The following GCLC variants were observed in gnomAD, a reference collection of about 807,000 sequenced individuals.
GCLC encodes glutamate-cysteine ligase catalytic subunit, also known as glutamate--cysteine ligase catalytic subunit.
GCLC carries 30 observed loss-of-function variants against 81.5 expected under a neutral mutation model. That is an observed-to-expected ratio of 0.37 (90% CI 0.28 to 0.50). GCLC has a LOEUF of 0.50. GCLC is among the 20% of genes least tolerant of loss of function. The pLI, the probability that GCLC is intolerant of heterozygous loss-of-function variation, is 0.96. For synonymous variants in GCLC, 262 were observed against 273.3 expected, an observed-to-expected ratio of 0.96 and a Z score of 0.41; for missense variants, 556 against 777.4, an observed-to-expected ratio of 0.72 and a Z score of 3.39.
intron 1 of GCLC, among the ~76,000 whole-genome samples, chr6:53,535,497 G>C (rs1022454169): frequency 6.6e-6 from 1 of 151,662 alleles, no homozygotes; most frequent in African/African-American, 2.4e-5. Context: ...CTGGGCCATA[G>C]AGTGAGAACT....
intron 2 of GCLC, among the ~76,000 whole-genome samples, chr6:53,521,407 G>A (rs1006932945): frequency 1.3e-5 from 2 of 151,940 alleles, no homozygotes; most frequent in Non-Finnish European, 2.9e-5. Context: ...TGCCTGCCTC[G>A]GCCTCCCAAA....
At chr6:53,508,764 TA>T (rs34497460) in intron 7 of GCLC, 53 bp from the exon 8 acceptor site, 10 of 1,175,012 alleles carry the variant, frequency 8.5e-6, no homozygotes, top group Non-Finnish European at 1.0e-5. Context: ...ACTTACATGC[TA>T]AAAAAAGCTC....
In GCLC at chr6:53,537,640, C is replaced by CATAA. The variant is rs112815644; in HGVS notation, c.150+6852_150+6855dup. On this transcript the variant is annotated intron_variant, in intron 1 of 15. Coordinates refer to ENST00000650454, the MANE Select transcript of GCLC (RefSeq NM_001498.4). ...AAATAAATAAATAAATAAATAAATA[C>CATAA]ATAAATACATAATATTAAAAAAAAG... Among the ~76,000 whole-genome samples, 32 of 148,792 alleles carry CATAA rather than the reference C, an allele frequency of 2.2e-4. No homozygotes were observed. The South Asian group carries it at 3.4e-3, about 16-fold the overall frequency.
At chr6:53,514,658 G>T in intron 4 of GCLC, 161 bp from the exon 5 acceptor site, 1 of 702,164 alleles carries the variant, frequency 1.4e-6, no homozygotes. Flanking sequence ...ACACTACAAG[G>T]GAACTTTGTG....
intron 3 of GCLC, among the ~76,000 whole-genome samples, chr6:53,517,686 G>A (rs965145943): frequency 1.3e-5 from 2 of 152,162 alleles, no homozygotes; most frequent in African/African-American, 4.8e-5. Context: ...GTGGAAGGGA[G>A]AAGGTAGAAT....
intron 5 of GCLC, 40 bp from the exon 6 acceptor site, chr6:53,514,377 C>T (rs17882781): frequency 6.3e-7 from 1 of 1,591,264 alleles, no homozygotes. Context: ...GGTTTAGAAT[C>T]CAGGATTAAA....
At chr6:53,511,666 G>A (rs1257352673) in intron 6 of GCLC, among the ~76,000 whole-genome samples, 2 of 151,858 alleles carry the variant, frequency 1.3e-5, no homozygotes, top group East Asian at 1.9e-4. Flanking sequence ...TGTGGATAAT[G>A]GCTTTAATGG....
At chr6:53,542,610 T>C (rs757970992) in intron 1 of GCLC, among the ~76,000 whole-genome samples, 2 of 151,338 alleles carry the variant, frequency 1.3e-5, no homozygotes, top group Non-Finnish European at 2.9e-5. Flanking sequence ...CCAGAAGGAG[T>C]TGCTGAGCTC....
chr6:53,505,141 C>T (rs1002181091), intron 12 of GCLC: 2 of 448,948 alleles, frequency 4.5e-6, no homozygotes, highest in African/African-American at 4.0e-5. Flanking sequence ...ACATTGTAAT[C>T]AACCTGGGAT....
intron 15 of GCLC, 54 bp from the exon 16 acceptor site, chr6:53,499,021 T>A (rs985921058): frequency 1.1e-5 from 12 of 1,087,502 alleles, no homozygotes; most frequent in Admixed American, 1.0e-4. Flanking sequence ...GTTTTTTTTT[T>A]AATAAGTTGA....
At position 53,513,739 on chromosome 6, in the gene GCLC, C is replaced by T. The variant is rs191939066; in HGVS notation, c.753+465G>A. On this transcript the variant is annotated intron_variant, in intron 6 of 15. Coordinates refer to ENST00000650454, the MANE Select transcript of GCLC (RefSeq NM_001498.4). Reference sequence around the variant, plus strand: ...TACTCAGGGGCAAGACAAACACAAGCTGCTAAATATTTATTCTTTTTGTAC... The same window carrying T: ...TACTCAGGGGCAAGACAAACACAAGTTGCTAAATATTTATTCTTTTTGTAC... 7.7e-4 allele frequency: 133 copies of T among 173,362 alleles called. 1 individual carries two copies. In the East Asian group the frequency reaches 0.018, roughly 23 times the overall value. 10.7% of individuals were successfully genotyped at this position (173,362 alleles called of 1,614,324 possible). A position where few individuals can be genotyped will look rare whatever the true frequency, so the allele number is the denominator to read the frequency against.
Position 53,498,556 on chromosome 6 carries a change from A to G in GCLC, c.*200T>C. The G allele has an allele frequency of 1.7e-6, 1 of 588,118 alleles. No homozygotes were observed. Among genetic ancestry groups the G allele is most frequent in the South Asian group, 2.0e-5 (1 of 48,834 alleles). 36.4% of individuals were successfully genotyped at this position (588,118 alleles called of 1,614,324 possible). A position where few individuals can be genotyped will look rare whatever the true frequency, so the allele number is the denominator to read the frequency against. ...TGTTATTAAAATACATTGTTAATCAAAAATACTTTACTATGTACATGTACA... is the reference window on the plus strand; with the variant it reads ...TGTTATTAAAATACATTGTTAATCAGAAATACTTTACTATGTACATGTACA... On this transcript the variant is annotated 3_prime_UTR_variant, in exon 16 of 16. Transcript: ENST00000650454.
chr6:53,526,304 G>T (rs75182600), intron 1 of GCLC, among the ~76,000 whole-genome samples: 1 of 152,182 alleles, frequency 6.6e-6, no homozygotes, highest in African/African-American at 2.4e-5. Flanking sequence ...CTGAGGCGAT[G>T]TAAGTACTCA....
intron 4 of GCLC, 137 bp from the exon 5 acceptor site, chr6:53,514,634 T>C (rs1764830383): frequency 4.0e-6 from 3 of 750,172 alleles, no homozygotes; most frequent in South Asian, 2.9e-5. Context: ...AGAAAATGTA[T>C]CTGTGGTGTC....
rs1764393621 is a variant in GCLC, at chr6:53,497,547, CTCT to C, written c.*1206_*1208del. ...TTAGCTGAAGCAGCTTTATTGCAAT[CTCT>C]TCAAGTTAGCATATTACAGTTTAAA... On this transcript the variant is annotated 3_prime_UTR_variant, in exon 16 of 16. Coordinates refer to ENST00000650454, the MANE Select transcript of GCLC (RefSeq NM_001498.4). 1 of 152,652 alleles carries C rather than the reference CTCT, an allele frequency of 6.6e-6. No individual in the cohort carries two copies. Among genetic ancestry groups the C allele is most frequent in the Non-Finnish European group, 1.5e-5 (1 of 68,024 alleles). 9.5% of individuals were successfully genotyped at this position (152,652 alleles called of 1,614,324 possible). A position where few individuals can be genotyped will look rare whatever the true frequency, so the allele number is the denominator to read the frequency against.
At chr6:53,539,475 A>G (rs541109425) in intron 1 of GCLC, among the ~76,000 whole-genome samples, 131 of 152,308 alleles carry the variant, frequency 8.6e-4, no homozygotes, top group African/African-American at 3.1e-3. Flanking sequence ...GGATGAGAAC[A>G]CAAACTGAAC....
chr6:53,536,571 A>G (rs969113266), intron 1 of GCLC, among the ~76,000 whole-genome samples: 2 of 152,218 alleles, frequency 1.3e-5, no homozygotes, highest in South Asian at 2.1e-4. Context: ...AATACCAGCA[A>G]TATCAGTAAT....
intron 2 of GCLC, among the ~76,000 whole-genome samples, chr6:53,521,856 C>A (rs1561945979): frequency 6.6e-6 from 1 of 152,080 alleles, no homozygotes; most frequent in Non-Finnish European, 1.5e-5. Context: ...CGCCTGTAGT[C>A]CCAGCTACTC....
chr6:53,514,180 C>T, intron 6 of GCLC, 24 bp downstream of exon 6: 1 of 1,611,338 alleles, frequency 6.2e-7, no homozygotes, highest in South Asian at 1.1e-5. Flanking sequence ...AACACTTTGC[C>T]TCTCTGTATA....
Sources: allele counts gnomAD v4.1 joint callset (sites outside exome capture counted in the v4.1 genomes callset), GRCh38; gene constraint gnomAD v4.1.1; transcripts MANE v1.5; gene names NCBI Gene and HGNC (gene_info 2026-07-23, HGNC 2026-07-21).